The following ZDHHC6 variants were observed in gnomAD, a reference collection of about 807,000 sequenced individuals.
The protein encoded by ZDHHC6 is palmitoyltransferase ZDHHC6.
Under a neutral mutation model 57.8 loss-of-function variants are expected in ZDHHC6, and 32 were observed. That is an observed-to-expected ratio of 0.55 (90% CI 0.42 to 0.74). The LOEUF (loss-of-function observed/expected upper bound fraction) is 0.74. Among genes scored for constraint, ZDHHC6 ranks in the 30% least tolerant of loss-of-function variants. The pLI, the probability that ZDHHC6 is intolerant of heterozygous loss-of-function variation, is 0.00. For synonymous variants in ZDHHC6, 128 were observed against 158.0 expected, an observed-to-expected ratio of 0.81 and a Z score of 1.42; for missense variants, 433 against 500.7, an observed-to-expected ratio of 0.86 and a Z score of 1.29.
intron 8 of ZDHHC6, among the ~76,000 whole-genome samples, chr10:112,432,922 T>C (rs1053871704): frequency 2.6e-5 from 4 of 152,166 alleles, no homozygotes; most frequent in African/African-American, 9.6e-5. Context: ...CAAATTTAAA[T>C]AAAACAGCCA....
intron 2 of ZDHHC6, 93 bp from the exon 3 acceptor site, chr10:112,443,699 G>A: frequency 1.1e-6 from 1 of 910,860 alleles, no homozygotes; most frequent in Non-Finnish European, 1.7e-6. Flanking sequence ...GGCGATAGGG[G>A]AAGGAGAGAA....
chr10:112,436,877 C>T (rs1436645330), intron 6 of ZDHHC6, among the ~76,000 whole-genome samples: 1 of 152,136 alleles, frequency 6.6e-6, no homozygotes, highest in Non-Finnish European at 1.5e-5. Context: ...GAGAAGTATA[C>T]ATAAAGCGTG....
downstream of ZDHHC6, chr10:112,426,225 C>T: frequency 6.4e-7 from 1 of 1,566,346 alleles, no homozygotes; most frequent in Non-Finnish European, 8.8e-7. Flanking sequence ...TAACTTCTCT[C>T]ATGCCCTTGC....
chr10:112,429,317 G>A (rs1273403972), downstream of ZDHHC6, among the ~76,000 whole-genome samples: 2 of 152,106 alleles, frequency 1.3e-5, no homozygotes, highest in African/African-American at 4.8e-5. Flanking sequence ...TCTCAAACGT[G>A]TCAGACACAG....
In ZDHHC6 at chr10:112,439,628, T is replaced by TAAA. The variant is rs869272293; in HGVS notation, c.681+903_681+905dup. On this transcript the variant is annotated intron_variant, in intron 5 of 10. Coordinates refer to ENST00000369405, the MANE Select transcript of ZDHHC6 (RefSeq NM_022494.3). ...CTGGGTGACAGAGTGAGACTCCGTC[T>TAAA]AAAAAAAAAAAAAAAAAAAAAAAAA... Among the ~76,000 whole-genome samples the TAAA allele has an allele frequency of 1.5e-3, 46 of 31,302 alleles. 1 individual carries two copies. Among genetic ancestry groups the TAAA allele is most frequent in the African/African-American group, 5.1e-3 (31 of 6,084 alleles). The allele number at this position is 31,302 out of a possible 152,430, so 20.5% of individuals were successfully genotyped here.
intron 4 of ZDHHC6, 136 bp from the exon 5 acceptor site, chr10:112,440,831 AT>A: frequency 1.8e-6 from 1 of 562,898 alleles, no homozygotes; most frequent in Non-Finnish European, 2.6e-6. Flanking sequence ...AGCTATTTTT[AT>A]TTTATTTTAT....
chr10:112,442,578 G>C (rs954319125), intron 3 of ZDHHC6, among the ~76,000 whole-genome samples: 3 of 152,206 alleles, frequency 2.0e-5, no homozygotes, highest in Non-Finnish European at 4.4e-5. Context: ...AACAGCTTCT[G>C]AGGAAAAGAT....
Position 112,431,503 on chromosome 10 carries a change from A to G in ZDHHC6, c.1139-596T>C, listed in dbSNP as rs1589717076. 2.0e-5 allele frequency among the ~76,000 whole-genome samples: 3 copies of G among 151,786 alleles called. No individual in the cohort carries two copies. The East Asian group carries it at 5.8e-4, about 29-fold the overall frequency. On this transcript the variant is annotated intron_variant, in intron 10 of 10. Coordinates refer to ENST00000369405, the MANE Select transcript of ZDHHC6 (RefSeq NM_022494.3). ...TAATTTTTGTATTTTTAGTAGAGAT[A>G]GGGTTTCACCATGTTGGCCAGGCTG... is the stretch of plus-strand genomic sequence containing the variant.
chr10:112,434,894 T>C (rs1353707361), intron 6 of ZDHHC6, among the ~76,000 whole-genome samples: 14 of 152,198 alleles, frequency 9.2e-5, no homozygotes, highest in African/African-American at 2.7e-4. Context: ...AACTGTTTTG[T>C]GGGGTGCACC....
In ZDHHC6 at chr10:112,440,517, G is replaced by C; in HGVS notation, c.681+17C>G. 1 of 1,609,556 alleles carries C rather than the reference G, an allele frequency of 6.2e-7. No homozygotes were observed. The highest frequency in any genetic ancestry group is 8.5e-7 in the Non-Finnish European group (1 of 1,177,140). ...AACAACTTGACACTTTTGACTTGAG[G>C]TAATTGAGATGCTTACCTGGATAAA... On this transcript the variant is annotated intron_variant, in intron 5 of 10. Coordinates refer to ENST00000369405, the MANE Select transcript of ZDHHC6 (RefSeq NM_022494.3).
Position 112,432,436 on chromosome 10 carries a change from G to A in ZDHHC6, c.1031C>T (p.Thr344Ile), listed in dbSNP as rs748204462. The change falls in exon 9 of 11, where the codon ACC (threonine) becomes ATC (isoleucine). Residue 344 changes from threonine (T) to isoleucine (I), a missense_variant. Coordinates refer to ENST00000369405, the MANE Select transcript of ZDHHC6 (RefSeq NM_022494.3). ...TTGCAGCTGTATTCGAGGCTCTTCG[G>A]TGCAGGGACTTGTGAAGAAGGTTTT... is the stretch of plus-strand genomic sequence containing the variant. ...GIKTFFTSPC[T>I]EEPRIQLQKG... is the part of the protein sequence containing the mutation. 6.2e-7 allele frequency: 1 copy of A among 1,614,156 alleles called. No individual in the cohort carries two copies. The highest frequency in any genetic ancestry group is 1.3e-5 in the African/African-American group (1 of 75,030).
upstream of ZDHHC6, chr10:112,447,335 A>G (rs941319410): frequency 5.6e-6 from 9 of 1,601,744 alleles, no homozygotes; most frequent in African/African-American, 1.1e-4. Flanking sequence ...CCTTTCCCTG[A>G]CCTAGGCTTT....
chr10:112,428,778 A>C (rs912795917), downstream of ZDHHC6, among the ~76,000 whole-genome samples: 43 of 152,144 alleles, frequency 2.8e-4, no homozygotes, highest in African/African-American at 1.0e-3. Flanking sequence ...CTCAAAAAAA[A>C]AAAACAAAAA....
intron 6 of ZDHHC6, 62 bp from the exon 7 acceptor site, chr10:112,434,526 T>C: frequency 1.4e-6 from 2 of 1,468,456 alleles, no homozygotes; most frequent in Non-Finnish European, 1.8e-6. Flanking sequence ...CAGTAATATG[T>C]TATTGAGAAC....
Position 112,440,695 on chromosome 10 carries a change from G to GCTAT in ZDHHC6, c.520-4_520-1dup (p.Leu174IlefsTer67). On this transcript the variant is annotated frameshift_variant and splice_region_variant. Transcript: ENST00000369405. LOFTEE classifies it high-confidence loss of function. The stretch of plus-strand genomic sequence containing the variant: ...TTCACTGTGTTCCACCCAAAGGAGA[G>GCTAT]CTATCGCAGCAACAATAGCACACGC... The GCTAT allele has an allele frequency of 6.2e-7, 1 of 1,610,452 alleles. No individual in the cohort carries two copies. Among genetic ancestry groups the GCTAT allele is most frequent in the Middle Eastern group, 1.7e-4 (1 of 6,042 alleles).
Position 112,440,538 on chromosome 10 carries a change from A to G in ZDHHC6, c.677T>C (p.Ile226Thr). 6.2e-7 allele frequency: 1 copy of G among 1,612,958 alleles called. No homozygotes were observed. ...TGAGGTAATTGAGATGCTTACCTGG[A>G]TAAAAAACAACATCCCAACAGCTAT... is the stretch of plus-strand genomic sequence containing the variant. Reference protein sequence around the residue: ...TTIAVGMLFFIQMKIILRNKT... With the variant: ...TTIAVGMLFFTQMKIILRNKT... The change falls in exon 5 of 11, where the codon ATC becomes ACC. Residue 226 changes from isoleucine (I) to threonine (T), a missense_variant. By Grantham distance (89) the Ile-to-Thr change is moderately conservative. Coordinates refer to ENST00000369405, the MANE Select transcript of ZDHHC6 (RefSeq NM_022494.3).
chr10:112,443,236 T>A (rs1008367364), intron 3 of ZDHHC6, among the ~76,000 whole-genome samples: 4 of 152,228 alleles, frequency 2.6e-5, no homozygotes, highest in Non-Finnish European at 4.4e-5. Context: ...AAACTTAAGG[T>A]TTATACCTTT....
chr10:112,433,329 G>T, intron 7 of ZDHHC6, 48 bp from the exon 8 acceptor site: 1 of 1,468,310 alleles, frequency 6.8e-7, no homozygotes, highest in Non-Finnish European at 9.1e-7. Context: ...TTGTCTCAAT[G>T]TTGAAAAATC....
At chr10:112,425,424 T>C (rs554940954), downstream of ZDHHC6, 879 of 1,613,402 alleles carry the variant, frequency 5.4e-4, 7 homozygotes, top group South Asian at 9.2e-3. Flanking sequence ...AGATAGAAAA[T>C]ATCTACAACA....
Sources: gnomAD v4.1 joint callset for allele counts (sites outside exome capture counted in the v4.1 genomes callset) on GRCh38, gnomAD v4.1.1 for gene constraint, MANE v1.5 for transcripts, NCBI Gene and HGNC (gene_info 2026-07-23, HGNC 2026-07-21) for gene names.